The following TRDMT1 variants were observed in gnomAD, a reference collection of about 807,000 sequenced individuals.
The protein encoded by TRDMT1 is tRNA (cytosine(38)-C(5))-methyltransferase.
Under a neutral mutation model 51.2 loss-of-function variants are expected in TRDMT1, and 49 were observed. The observed-to-expected ratio is 0.96, with a 90% confidence interval of 0.76 to 1.21. The LOEUF (loss-of-function observed/expected upper bound fraction) is 1.21, where lower values mean the gene tolerates loss of function less well. Among genes scored for constraint, TRDMT1 ranks in the 50% most tolerant of loss-of-function variants. The pLI, the probability that TRDMT1 is intolerant of heterozygous loss-of-function variation, is 0.00. For missense variants in TRDMT1, 534 were observed against 462.3 expected (o/e 1.16, Z -1.42); for synonymous variants, 187 against 164.6 (o/e 1.14, Z -1.04).
Position 17,145,134 on chromosome 10 carries a change from C to T in TRDMT1, c.*3906G>A. ...TGGTGGCATGCGCCTGTAATCCCAG[C>T]TACTAGGGAGGCTGAGGCAGGAAAA... On this transcript the variant is annotated 3_prime_UTR_variant, in exon 11 of 11. Coordinates refer to ENST00000377799, the MANE Select transcript of TRDMT1 (RefSeq NM_004412.7). 1.7e-6 allele frequency: 1 copy of T among 581,172 alleles called. No homozygotes were observed. The highest frequency in any genetic ancestry group is 2.2e-6 in the Non-Finnish European group (1 of 460,948). 36.0% of individuals were successfully genotyped at this position (581,172 alleles called of 1,614,324 possible).
rs947819508 is a variant in TRDMT1 at position 17,146,575 on chromosome 10, C to G, written c.*2465G>C. On this transcript the variant is annotated 3_prime_UTR_variant, in exon 11 of 11. Coordinates refer to ENST00000377799, the MANE Select transcript of TRDMT1 (RefSeq NM_004412.7). ...AAATATGAAGCAGGGTAATAAATACCTTACAATTATCTGGCAAGCCGTTTA... is the reference window on the plus strand; with the variant it reads ...AAATATGAAGCAGGGTAATAAATACGTTACAATTATCTGGCAAGCCGTTTA... 31 of 985,082 alleles carry G rather than the reference C, an allele frequency of 3.1e-5. No homozygotes were observed. Among genetic ancestry groups the G allele is most frequent in the Non-Finnish European group, 3.6e-5 (30 of 829,796 alleles). The allele number at this position is 985,082 out of a possible 1,614,324, so 61.0% of individuals were successfully genotyped here.
chr10:17,191,729 T>G (rs78362086), intron 1 of TRDMT1, among the ~76,000 whole-genome samples: 1 of 152,124 alleles, frequency 6.6e-6, no homozygotes, highest in East Asian at 1.9e-4. Context: ...AGGAGCACCA[T>G]TGCGGGAGGA....
At chr10:17,153,769 A>T in intron 9 of TRDMT1, 133 bp from the exon 10 acceptor site, 8 of 850,664 alleles carry the variant, frequency 9.4e-6, no homozygotes, top group Non-Finnish European at 1.4e-5. Context: ...ACAGGGCAAA[A>T]TGGCTCTGTG....
chr10:17,174,529 T>G lies in TRDMT1; in HGVS notation c.174+22A>C, dbSNP rs1327928876. The G allele has an allele frequency of 2.0e-6, 3 of 1,525,004 alleles. No homozygotes were observed. In the African/African-American group the frequency reaches 4.1e-5, roughly 21 times the overall value. 94.5% of individuals were successfully genotyped at this position (1,525,004 alleles called of 1,614,324 possible). On this transcript the variant is annotated intron_variant, in intron 2 of 10. Transcript: ENST00000377799. ...CACATTTCCCTTGCTACATACTTAT[T>G]AAAACAATGACAATTACTCACTTCA...
intron 2 of TRDMT1, among the ~76,000 whole-genome samples, chr10:17,172,274 T>C (rs1057238336): frequency 6.6e-6 from 1 of 152,064 alleles, no homozygotes; most frequent in Non-Finnish European, 1.5e-5. Flanking sequence ...AGACCTTAAG[T>C]CAGAAATTAA....
intron 5 of TRDMT1, among the ~76,000 whole-genome samples, chr10:17,160,766 C>T (rs1219172927): frequency 2.0e-5 from 3 of 152,140 alleles, no homozygotes; most frequent in Admixed American, 1.3e-4. Flanking sequence ...CCACCGCGCC[C>T]GGCCCACAAA....
At chr10:17,201,342 A>T in intron 1 of TRDMT1, 1 of 505,454 alleles carries the variant, frequency 2.0e-6, no homozygotes, top group Non-Finnish European at 3.5e-6. Context: ...TTGAGGCGCC[A>T]TGTGCGGCCC....
Position 17,142,955 on chromosome 10 carries a change from A to C in TRDMT1, c.*6085T>G. On this transcript the variant is annotated 3_prime_UTR_variant, in exon 11 of 11. Coordinates refer to ENST00000377799, the MANE Select transcript of TRDMT1 (RefSeq NM_004412.7). ...GAGGAGCAGGGAGAAATAAATCTAC[A>C]CTCTCTTGTCAAGACCAGAAGTCAG... 1.0e-6 allele frequency: 1 copy of C among 975,938 alleles called. No homozygotes were observed. Among genetic ancestry groups the C allele is most frequent in the Non-Finnish European group, 1.2e-6 (1 of 821,466 alleles). The allele number at this position is 975,938 out of a possible 1,614,324, so 60.5% of individuals were successfully genotyped here. A position where few individuals can be genotyped will look rare whatever the true frequency, so the allele number is the denominator to read the frequency against.
At chr10:17,151,716 TTATGAAA>T in intron 10 of TRDMT1, 1 of 865,848 alleles carries the variant, frequency 1.2e-6, no homozygotes. Context: ...AGAAAAATAT[TTATGAAA>T]TAAAGATTAT....
At chr10:17,177,958 A>G (rs187987062) in intron 1 of TRDMT1, among the ~76,000 whole-genome samples, 1 of 152,210 alleles carries the variant, frequency 6.6e-6, no homozygotes, top group African/African-American at 2.4e-5. Flanking sequence ...GTAAATGCAA[A>G]TGTAAAAAAT....
chr10:17,159,909 C>A (rs150180719), intron 6 of TRDMT1, among the ~76,000 whole-genome samples: 165 of 152,158 alleles, frequency 1.1e-3, no homozygotes, highest in African/African-American at 3.8e-3. Context: ...AATGTTATGT[C>A]CCCAAAGCAG....
chr10:17,150,458 A>G (rs528173493), intron 10 of TRDMT1: 1 of 985,354 alleles, frequency 1.0e-6, no homozygotes, highest in South Asian at 4.7e-5. Context: ...TTCCTTTCTT[A>G]AAACAAAAAG....
At chr10:17,155,020 G>C (rs1275180207) in intron 8 of TRDMT1, among the ~76,000 whole-genome samples, 1 of 152,096 alleles carries the variant, frequency 6.6e-6, no homozygotes, top group Non-Finnish European at 1.5e-5. Context: ...AGAGGAGTTC[G>C]AGGTCAGCCT....
intron 1 of TRDMT1, among the ~76,000 whole-genome samples, chr10:17,192,926 G>T (rs115823784): frequency 6.6e-6 from 1 of 152,130 alleles, no homozygotes; most frequent in African/African-American, 2.4e-5. Context: ...GAGCATCTAT[G>T]ACAAGCCCAC....
intron 10 of TRDMT1, chr10:17,151,132 T>C: frequency 1.3e-6 from 1 of 751,754 alleles, no homozygotes; most frequent in East Asian, 1.3e-4. Context: ...AAATCTAAAC[T>C]ATTAGGTTGG....
rs142403002 is a variant in TRDMT1 at position 17,157,650 on chromosome 10, A to T, written c.678T>A (p.Asp226Glu). 5 of 1,613,528 alleles carry T rather than the reference A, an allele frequency of 3.1e-6. No individual in the cohort carries two copies. In the Admixed American group the frequency reaches 8.3e-5, roughly 27 times the overall value. ...CAGTTTCAAGCTTAAAAAGAATGGCATCTTTTCCAGAACACTGTATGCTGC... is the reference window on the plus strand; with the variant it reads ...CAGTTTCAAGCTTAAAAAGAATGGCTTCTTTTCCAGAACACTGTATGCTGC... Reference protein sequence around the residue: ...FDGSIQCSGKDAILFKLETAE... With the variant: ...FDGSIQCSGKEAILFKLETAE... The change falls in exon 8 of 11, where the codon GAT becomes GAA. Residue 226 changes from aspartate (D) to glutamate (E), a missense_variant. Physicochemically the swap from Asp to Glu is conservative, Grantham distance 45 (BLOSUM62 2). Transcript: ENST00000377799.
rs1419832700 is a variant in TRDMT1 at position 17,149,151 on chromosome 10, A to G, written c.1076-11T>C. The G allele has an allele frequency of 6.3e-7, 1 of 1,586,274 alleles. No homozygotes were observed. Among genetic ancestry groups the G allele is most frequent in the Non-Finnish European group, 8.6e-7 (1 of 1,160,014 alleles). On this transcript the variant is annotated splice_polypyrimidine_tract_variant and intron_variant, in intron 10 of 10. Transcript: ENST00000377799. ...TCTTCTCAGGAAATCCTAAAAAGAC[A>G]AAGAACAATTTAAAGAAATCATTTG...
Position 17,137,423 on chromosome 10 carries a change from A to G in TRDMT1, c.*11617T>C, listed in dbSNP as rs1837445753. 1 of 152,248 alleles carries G rather than the reference A, an allele frequency of 6.6e-6. No homozygotes were observed. The highest frequency in any genetic ancestry group is 1.5e-5 in the Non-Finnish European group (1 of 68,056). The allele number at this position is 152,248 out of a possible 1,614,324, so 9.4% of individuals were successfully genotyped here. A position where few individuals can be genotyped will look rare whatever the true frequency, so the allele number is the denominator to read the frequency against. ...ATCTGGAGAGCCAGAGTTAGGCAAC[A>G]TTACAAAGACAAGTGTGACAAGATG... On this transcript the variant is annotated 3_prime_UTR_variant, in exon 11 of 11. Coordinates refer to ENST00000377799, the MANE Select transcript of TRDMT1 (RefSeq NM_004412.7).
At chr10:17,183,698 T>C (rs1042850605) in intron 1 of TRDMT1, among the ~76,000 whole-genome samples, 6 of 152,216 alleles carry the variant, frequency 3.9e-5, no homozygotes, top group Non-Finnish European at 8.8e-5. Context: ...ATTACAGGCA[T>C]GAGCCACCGC....
Sources: allele counts gnomAD v4.1 joint callset (sites outside exome capture counted in the v4.1 genomes callset), GRCh38; gene constraint gnomAD v4.1.1; transcripts MANE v1.5; gene names NCBI Gene and HGNC (gene_info 2026-07-23, HGNC 2026-07-21).